The following KLHL32 variants were observed in gnomAD, a reference collection of about 807,000 sequenced individuals.
KLHL32 encodes kelch like family member 32.
A neutral mutation model predicts 64.8 loss-of-function variants in KLHL32; 35 were observed. That is an observed-to-expected ratio of 0.54 (90% CI 0.41 to 0.72). KLHL32 has a LOEUF of 0.72. Among genes scored for constraint, KLHL32 ranks in the 30% least tolerant of loss-of-function variants. KLHL32 has a pLI of 0.00. For missense variants in KLHL32, 589 were observed against 768.5 expected, an observed-to-expected ratio of 0.77 and a Z score of 2.76; for synonymous variants, 259 against 281.0, an observed-to-expected ratio of 0.92 and a Z score of 0.78.
At chr6:96,912,904 A>C in the KLHL32 span, among the ~76,000 whole-genome samples, 1 of 152,146 alleles carries the variant, frequency 6.6e-6, no homozygotes, top group Admixed American at 6.5e-5. Flanking sequence ...TCACCAAGGT[A>C]CCCTGTAAGC....
rs118096987 is a variant in KLHL32, at chr6:97,090,035, A to G, written c.627+4694A>G. On this transcript the variant is annotated intron_variant, in intron 6 of 10. Transcript: ENST00000369261. ...TATTTTAGTGTGGCAAAGAGGGACCATGTCACCTGATTTGGGGCTGGGGCA... is the reference window on the plus strand; with the variant it reads ...TATTTTAGTGTGGCAAAGAGGGACCGTGTCACCTGATTTGGGGCTGGGGCA... Among the ~76,000 whole-genome samples the G allele has an allele frequency of 1.4e-4, 22 of 152,130 alleles. No individual in the cohort carries two copies. In the South Asian group the frequency reaches 4.6e-3, roughly 32 times the overall value.
the KLHL32 span, among the ~76,000 whole-genome samples, chr6:96,907,870 G>T: frequency 6.6e-6 from 1 of 152,262 alleles, no homozygotes; most frequent in East Asian, 1.9e-4. Context: ...TCTGCTTAGC[G>T]CTCAAGATGT....
intron 5 of KLHL32, among the ~76,000 whole-genome samples, chr6:97,083,390 A>C (rs1459692248): frequency 2.8e-4 from 1 of 3,574 alleles, no homozygotes; most frequent in African/African-American, 9.3e-4. Flanking sequence ...ACTCCGTCTC[A>C]AAAAAAAAAA....
At chr6:96,971,195 C>T (rs1411763423) in intron 2 of KLHL32, among the ~76,000 whole-genome samples, 3 of 152,164 alleles carry the variant, frequency 2.0e-5, no homozygotes, top group African/African-American at 7.2e-5. Context: ...TGTAGGTAAA[C>T]ACTGACATAG....
chr6:97,019,580 C>G (rs1460543574), intron 3 of KLHL32, among the ~76,000 whole-genome samples: 1 of 152,182 alleles, frequency 6.6e-6, no homozygotes, highest in Admixed American at 6.5e-5. Flanking sequence ...GGTCTGCCCA[C>G]AGTTCTCTCA....
Position 97,056,096 on chromosome 6 carries a change from C to CT in KLHL32, c.313-8523dup, listed in dbSNP as rs1193971196. Among the ~76,000 whole-genome samples, 71 of 123,786 alleles carry CT rather than the reference C, an allele frequency of 5.7e-4. 1 individual carries two copies. Among genetic ancestry groups the CT allele is most frequent in the South Asian group, 2.5e-3 (10 of 3,966 alleles). 81.2% of individuals were successfully genotyped at this position (123,786 alleles called of 152,430 possible). A position where few individuals can be genotyped will look rare whatever the true frequency, so the allele number is the denominator to read the frequency against. ...GCCAGCCTCCCTTTTCTTTTTTTTT[C>CT]TTTTTTTTTCTTTTTTTTTTTTTTT... On this transcript the variant is annotated intron_variant, in intron 4 of 10. Transcript: ENST00000369261.
At chr6:97,040,230 C>T (rs1012061264) in intron 3 of KLHL32, among the ~76,000 whole-genome samples, 1 of 152,056 alleles carries the variant, frequency 6.6e-6, no homozygotes, top group Non-Finnish European at 1.5e-5. Context: ...AAACTTCTCT[C>T]ATTATCAGTA....
At chr6:97,049,906 C>T (rs1334699019) in intron 4 of KLHL32, among the ~76,000 whole-genome samples, 1 of 152,200 alleles carries the variant, frequency 6.6e-6, no homozygotes, top group Non-Finnish European at 1.5e-5. Context: ...GTCTCTTTCT[C>T]ACAGAGAACA....
At chr6:97,026,094 TTA>T (rs775887367) in intron 3 of KLHL32, among the ~76,000 whole-genome samples, 26 of 151,822 alleles carry the variant, frequency 1.7e-4, no homozygotes, top group Non-Finnish European at 3.1e-4. Flanking sequence ...AATAAATACA[TTA>T]TATATATATA....
chr6:96,992,885 C>T (rs961006787), intron 3 of KLHL32, among the ~76,000 whole-genome samples: 2 of 152,248 alleles, frequency 1.3e-5, no homozygotes, highest in African/African-American at 4.8e-5. Flanking sequence ...ACATCTGTCT[C>T]CCTCAGTACC....
rs548629395 is a variant in KLHL32 at position 97,103,420 on chromosome 6, A to G, written c.628-10363A>G. 2.6e-4 allele frequency among the ~76,000 whole-genome samples: 39 copies of G among 152,126 alleles called. 1 individual carries two copies. The highest frequency in any genetic ancestry group is 4.4e-4 in the Non-Finnish European group (30 of 67,968). On this transcript the variant is annotated intron_variant, in intron 6 of 10. Transcript: ENST00000369261. Reference sequence around the variant, plus strand: ...GGTAGAGATGGGGTTTCACCATGTTAGCCAGGATGGTCTCGATCTCCTGAC... The same window carrying G: ...GGTAGAGATGGGGTTTCACCATGTTGGCCAGGATGGTCTCGATCTCCTGAC...
rs1043720228 is a variant in KLHL32 at position 96,966,993 on chromosome 6, C to T, written c.-65-3C>T. Reference sequence around the variant, plus strand: ...CACCCTTTTCTCTTGTCTTTTTATTCAGCTGGAATGCTTGCTGATTCCTCT... The same window carrying T: ...CACCCTTTTCTCTTGTCTTTTTATTTAGCTGGAATGCTTGCTGATTCCTCT... On this transcript the variant is annotated splice_region_variant and splice_polypyrimidine_tract_variant and intron_variant, in intron 1 of 10. Transcript: ENST00000369261. 1 of 1,431,886 alleles carries T rather than the reference C, an allele frequency of 7.0e-7. No individual in the cohort carries two copies. 88.7% of individuals were successfully genotyped at this position (1,431,886 alleles called of 1,614,324 possible). A position where few individuals can be genotyped will look rare whatever the true frequency, so the allele number is the denominator to read the frequency against.
At chr6:97,011,030 C>G (rs1780342186) in intron 3 of KLHL32, among the ~76,000 whole-genome samples, 1 of 152,166 alleles carries the variant, frequency 6.6e-6, no homozygotes, top group African/African-American at 2.4e-5. Context: ...GGTTCTATTT[C>G]TAGATGGTAA....
chr6:96,983,091 C>T (rs1454747301), intron 3 of KLHL32, among the ~76,000 whole-genome samples: 5 of 152,326 alleles, frequency 3.3e-5, no homozygotes, highest in African/African-American at 7.2e-5. Flanking sequence ...TAGCATGAAG[C>T]GTTGTTGAAT....
chr6:97,130,826 A>C lies in KLHL32; in HGVS notation c.1483A>C (p.Lys495Gln), dbSNP rs1224966788. Reference sequence around the variant, plus strand: ...CCATTCCATGGCTGCTGTACAAAGGAAGCTTTATGTTCTTGGAGGCAATGA... The same window carrying C: ...CCATTCCATGGCTGCTGTACAAAGGCAGCTTTATGTTCTTGGAGGCAATGA... ...VYHSMAAVQR[K>Q]LYVLGGNDLD... The change falls in exon 9 of 11, where the codon AAG becomes CAG. Residue 495 changes from lysine to glutamine, a missense_variant. Transcript: ENST00000369261. 1 of 1,614,084 alleles carries C rather than the reference A, an allele frequency of 6.2e-7. No individual in the cohort carries two copies. Among genetic ancestry groups the C allele is most frequent in the South Asian group, 1.1e-5 (1 of 91,084 alleles).
intron 3 of KLHL32, among the ~76,000 whole-genome samples, chr6:96,976,606 G>GTTTTT (rs1329576265): frequency 1.3e-5 from 2 of 152,030 alleles, no homozygotes. Flanking sequence ...GTTTTGTTTT[G>GTTTTT]TTTGTTTTTG....
intron 5 of KLHL32, among the ~76,000 whole-genome samples, chr6:97,079,874 A>G (rs1792216656): frequency 6.6e-6 from 1 of 152,172 alleles, no homozygotes; most frequent in African/African-American, 2.4e-5. Context: ...GAAAAAAAAA[A>G]GAGTAAGATT....
At chr6:97,001,938 T>C (rs1582659634) in intron 3 of KLHL32, among the ~76,000 whole-genome samples, 1 of 152,136 alleles carries the variant, frequency 6.6e-6, no homozygotes, top group East Asian at 1.9e-4. Flanking sequence ...CAGACACTGA[T>C]TGAGTGTGAG....
chr6:97,035,626 T>C (rs910512499), intron 3 of KLHL32, among the ~76,000 whole-genome samples: 2 of 152,156 alleles, frequency 1.3e-5, no homozygotes, highest in Admixed American at 1.3e-4. Context: ...GCAGTTTTTT[T>C]CTTTCAGTAT....
Sources: allele counts gnomAD v4.1 joint callset (sites outside exome capture counted in the v4.1 genomes callset), GRCh38; gene constraint gnomAD v4.1.1; transcripts MANE v1.5; gene names NCBI Gene and HGNC (gene_info 2026-07-23, HGNC 2026-07-21).